TUBGCP3: variants seen among roughly 807,000 people sequenced by gnomAD.
The protein encoded by TUBGCP3 is tubulin gamma complex component 3.
A neutral mutation model predicts 123.1 loss-of-function variants in TUBGCP3; 50 were observed. That is an observed-to-expected ratio of 0.41 (90% CI 0.32 to 0.51). The LOEUF (loss-of-function observed/expected upper bound fraction) is 0.51, where lower values mean the gene tolerates loss of function less well. Ranked by LOEUF, TUBGCP3 falls within the 20% of genes least tolerant of loss-of-function variation. The pLI is 0.36. For synonymous variants in TUBGCP3, 405 were observed against 413.9 expected, an observed-to-expected ratio of 0.98 and a Z score of 0.26; for missense variants, 882 against 1,127.0, an observed-to-expected ratio of 0.78 and a Z score of 3.11.
intron 20 of TUBGCP3, among the ~76,000 whole-genome samples, chr13:112,493,907 C>T (rs916110726): frequency 4.0e-5 from 6 of 151,126 alleles, no homozygotes; most frequent in African/African-American, 1.2e-4. Flanking sequence ...CCTGGTGTCC[C>T]TGAGACGTTC....
chr13:112,577,122 G>C (rs959407961), intron 1 of TUBGCP3, among the ~76,000 whole-genome samples: 3 of 152,190 alleles, frequency 2.0e-5, no homozygotes, highest in Non-Finnish European at 2.9e-5. Flanking sequence ...TAAGGGCTAA[G>C]TAATTTATGT....
Position 112,587,926 on chromosome 13 carries a change from T to G in TUBGCP3, c.55A>C (p.Arg19=). The G allele has an allele frequency of 6.3e-7, 1 of 1,594,378 alleles. No homozygotes were observed. The highest frequency in any genetic ancestry group is 8.5e-7 in the Non-Finnish European group (1 of 1,172,014). ...CTACCTTCGCTCCTGCCCAGGATCCTGCAGCACAGGTTCTGCAGCAGAACG... is the reference window on the plus strand; with the variant it reads ...CTACCTTCGCTCCTGCCCAGGATCCGGCAGCACAGGTTCTGCAGCAGAACG... The part of the protein sequence containing the change: ...PNVLLQNLCC[R]ILGRSEADVA... Residue 19 remains arginine, a synonymous_variant, in exon 1 of 22, where the codon AGG becomes CGG. Coordinates refer to ENST00000261965, the MANE Select transcript of TUBGCP3 (RefSeq NM_006322.6).
At chr13:112,583,549 T>C (rs1882412132) in intron 1 of TUBGCP3, among the ~76,000 whole-genome samples, 1 of 152,174 alleles carries the variant, frequency 6.6e-6, no homozygotes. Flanking sequence ...AACAAAAAAG[T>C]TGCCCTTTGT....
chr13:112,572,667 G>C (rs1881504221), intron 1 of TUBGCP3, among the ~76,000 whole-genome samples: 1 of 152,330 alleles, frequency 6.6e-6, no homozygotes, highest in Non-Finnish European at 1.5e-5. Context: ...CGGCAGAGTA[G>C]TCAGAACATA....
chr13:112,597,808 T>C, the TUBGCP3 span, among the ~76,000 whole-genome samples: 1 of 151,326 alleles, frequency 6.6e-6, no homozygotes, highest in South Asian at 2.1e-4. Flanking sequence ...ATGAAATACA[T>C]AGGGGACAGA....
At chr13:112,577,890 C>T (rs985419302) in intron 1 of TUBGCP3, among the ~76,000 whole-genome samples, 1 of 151,980 alleles carries the variant, frequency 6.6e-6, no homozygotes, top group Non-Finnish European at 1.5e-5. Context: ...AAGAAAGCAA[C>T]TAAAATGTGA....
At chr13:112,538,889 T>C (rs538818101) in intron 11 of TUBGCP3, among the ~76,000 whole-genome samples, 1 of 152,322 alleles carries the variant, frequency 6.6e-6, no homozygotes, top group Admixed American at 6.5e-5. Context: ...TTTAATTACA[T>C]AGTGATCAAA....
chr13:112,536,142 T>C (rs1445630428), intron 11 of TUBGCP3, among the ~76,000 whole-genome samples: 1 of 152,272 alleles, frequency 6.6e-6, no homozygotes, highest in African/African-American at 2.4e-5. Flanking sequence ...TATCACATTG[T>C]TTTGATTACC....
intron 14 of TUBGCP3, among the ~76,000 whole-genome samples, chr13:112,520,278 C>A (rs1052914385): frequency 6.6e-6 from 1 of 152,150 alleles, no homozygotes; most frequent in Non-Finnish European, 1.5e-5. Flanking sequence ...CTTGTAATCC[C>A]AGCACTTTGG....
intron 20 of TUBGCP3, among the ~76,000 whole-genome samples, chr13:112,491,088 TG>T: frequency 6.6e-6 from 1 of 152,358 alleles, no homozygotes; most frequent in South Asian, 2.1e-4. Flanking sequence ...CTCCACTCCT[TG>T]GCCCCCCAAA....
At chr13:112,515,229 A>G (rs1876009370) in intron 17 of TUBGCP3, among the ~76,000 whole-genome samples, 2 of 152,192 alleles carry the variant, frequency 1.3e-5, no homozygotes, top group African/African-American at 4.8e-5. Flanking sequence ...CAACCAGCCC[A>G]TATTTCAAGT....
chr13:112,549,446 C>A (rs1456792202), intron 8 of TUBGCP3, among the ~76,000 whole-genome samples: 2 of 151,930 alleles, frequency 1.3e-5, no homozygotes, highest in Admixed American at 1.3e-4. Context: ...AACAAACCTG[C>A]ACGTTGTGCA....
Position 112,503,685 on chromosome 13 carries a change from G to A in TUBGCP3, c.2307+347C>T, listed in dbSNP as rs115431988. 4.2e-3 allele frequency among the ~76,000 whole-genome samples: 637 copies of A among 152,192 alleles called. 2 individuals carry two copies. The highest frequency in any genetic ancestry group is 0.017 in the Middle Eastern group (5 of 294). On this transcript the variant is annotated intron_variant, in intron 19 of 21. Transcript: ENST00000261965. Reference sequence around the variant, plus strand: ...GCCCGGCCTGTTTTGTTCTTATATCGTGTTGCTTATTTTGCTCAGATATTA... The same window carrying A: ...GCCCGGCCTGTTTTGTTCTTATATCATGTTGCTTATTTTGCTCAGATATTA...
At chr13:112,587,090 G>C (rs1882659853) in intron 1 of TUBGCP3, 1 of 152,126 alleles carries the variant, frequency 6.6e-6, no homozygotes, top group Admixed American at 6.5e-5. Flanking sequence ...ATGTAACTCA[G>C]TTGCTTCCAT....
At chr13:112,526,760 A>G (rs1313553987) in intron 13 of TUBGCP3, among the ~76,000 whole-genome samples, 182 bp downstream of exon 13, 1 of 147,250 alleles carries the variant, frequency 6.8e-6, no homozygotes, top group Non-Finnish European at 1.5e-5. Flanking sequence ...CCACGCATTC[A>G]TCATCGCCAT....
At chr13:112,517,612 G>A (rs1007993948) in intron 16 of TUBGCP3, among the ~76,000 whole-genome samples, 3 of 152,178 alleles carry the variant, frequency 2.0e-5, no homozygotes, top group Admixed American at 6.5e-5. Flanking sequence ...ATTTGTTAAG[G>A]CCGGGCACGG....
At chr13:112,568,510 C>T (rs923560888) in intron 2 of TUBGCP3, among the ~76,000 whole-genome samples, 1 of 152,064 alleles carries the variant, frequency 6.6e-6, no homozygotes, top group Admixed American at 6.5e-5. Context: ...TTACTGAGAC[C>T]CACAGCCAAA....
At chr13:112,493,192 C>A (rs560281342) in intron 20 of TUBGCP3, among the ~76,000 whole-genome samples, 1 of 142,078 alleles carries the variant, frequency 7.0e-6, no homozygotes, top group Non-Finnish European at 1.5e-5. Flanking sequence ...GTCCCTGAGA[C>A]GCTCTAGCTC....
intron 1 of TUBGCP3, among the ~76,000 whole-genome samples, chr13:112,585,496 G>C (rs936712388): frequency 1.3e-5 from 2 of 152,088 alleles, no homozygotes; most frequent in African/African-American, 4.8e-5. Flanking sequence ...GCAGTGGCTC[G>C]TGCCTGTAAT....
Sources: allele counts gnomAD v4.1 joint callset (sites outside exome capture counted in the v4.1 genomes callset), GRCh38; gene constraint gnomAD v4.1.1; transcripts MANE v1.5; gene names NCBI Gene and HGNC (gene_info 2026-07-23, HGNC 2026-07-21).